Variants in CLVS1 observed in about 807,000 individuals in gnomAD.
CLVS1 encodes clavesin-1.
In CLVS1, 10 loss-of-function variants were observed where a neutral mutation model predicts 33.1. The observed-to-expected ratio is 0.30, with a 90% confidence interval of 0.19 to 0.51. CLVS1 has a LOEUF of 0.51. Ranked by LOEUF, CLVS1 falls within the 20% of genes least tolerant of loss-of-function variation. The pLI, the probability that CLVS1 is intolerant of heterozygous loss-of-function variation, is 0.97. For missense variants in CLVS1, 343 were observed against 433.4 expected (o/e 0.79, Z 1.85); for synonymous variants, 163 against 166.1 (o/e 0.98, Z 0.14).
rs897850212 is a variant in CLVS1 at position 61,101,658 on chromosome 8, G to A, written c.-242-30112G>A. On this transcript the variant is annotated intron_variant, in intron 1 of 2. Coordinates refer to the CLVS1 transcript ENST00000522621. ...TTATTTATTTATTTATTTGCTTTTGGTGTCATTTTAAGAAACCATTGGCTA... is the reference window on the plus strand; with the variant it reads ...TTATTTATTTATTTATTTGCTTTTGATGTCATTTTAAGAAACCATTGGCTA... Among the ~76,000 whole-genome samples, 7 of 151,902 alleles carry A rather than the reference G, an allele frequency of 4.6e-5. No homozygotes were observed. The East Asian group carries it at 1.3e-3, about 29-fold the overall frequency.
At chr8:61,304,439 G>C (rs936214075) in intron 2 of CLVS1, among the ~76,000 whole-genome samples, 10 of 152,194 alleles carry the variant, frequency 6.6e-5, no homozygotes, top group African/African-American at 2.2e-4. Context: ...TTTTGAGGCT[G>C]CCAGGCCGAA....
At chr8:61,330,162 G>C (rs1033572239) in intron 2 of CLVS1, among the ~76,000 whole-genome samples, 3 of 152,126 alleles carry the variant, frequency 2.0e-5, no homozygotes, top group Non-Finnish European at 2.9e-5. Context: ...TGGTGCTTCT[G>C]TGTGTACCAT....
intron 2 of CLVS1, among the ~76,000 whole-genome samples, chr8:61,369,889 C>T (rs1379395286): frequency 2.0e-5 from 3 of 152,042 alleles, no homozygotes; most frequent in Non-Finnish European, 4.4e-5. Flanking sequence ...GCACATTTGC[C>T]TCTCCACCTT....
chr8:61,116,688 C>T (rs1270883487), intron 1 of CLVS1, among the ~76,000 whole-genome samples: 72 of 147,778 alleles, frequency 4.9e-4, no homozygotes, highest in East Asian at 4.3e-3. Flanking sequence ...TGTAGATATG[C>T]GGCGTTATTT....
At chr8:61,297,838 A>G (rs1436848312) in intron 1 of CLVS1, among the ~76,000 whole-genome samples, 1 of 152,118 alleles carries the variant, frequency 6.6e-6, no homozygotes, top group Admixed American at 6.5e-5. Flanking sequence ...TGGGAGAAGG[A>G]GGTCTAAGAA....
At chr8:61,056,823 T>A (rs188151541), upstream of CLVS1, among the ~76,000 whole-genome samples, 37 of 152,264 alleles carry the variant, frequency 2.4e-4, no homozygotes, top group East Asian at 6.6e-3. Context: ...AAGGGTTAAG[T>A]TAGATATTGA....
chr8:61,220,173 T>C (rs970307204), intron 2 of CLVS1, among the ~76,000 whole-genome samples: 15 of 152,200 alleles, frequency 9.9e-5, no homozygotes, highest in Admixed American at 9.8e-4. Context: ...TTAGATCCCA[T>C]TTGTCAATCT....
At chr8:61,280,180 A>G in intron 2 of CLVS1, among the ~76,000 whole-genome samples, 1 of 152,204 alleles carries the variant, frequency 6.6e-6, no homozygotes, top group Non-Finnish European at 1.5e-5. Context: ...ATGATGTCGA[A>G]TTTCTGCTGA....
At chr8:61,344,493 A>G (rs1198817717) in intron 2 of CLVS1, among the ~76,000 whole-genome samples, 1 of 152,216 alleles carries the variant, frequency 6.6e-6, no homozygotes, top group Admixed American at 6.5e-5. Context: ...GGCTTAGCTC[A>G]AAATGGCAGG....
the CLVS1 span, among the ~76,000 whole-genome samples, chr8:60,987,632 A>G: frequency 6.6e-6 from 1 of 152,220 alleles, no homozygotes; most frequent in East Asian, 1.9e-4. Context: ...AAAAAAATGT[A>G]TCCTTACTTT....
chr8:61,357,934 C>CT (rs1349878169), intron 2 of CLVS1, among the ~76,000 whole-genome samples: 1 of 152,138 alleles, frequency 6.6e-6, no homozygotes, highest in Non-Finnish European at 1.5e-5. Context: ...TTTCAGATCC[C>CT]TTCCCACTGT....
chr8:61,485,481 T>G (rs547897071), intron 5 of CLVS1, among the ~76,000 whole-genome samples: 261 of 152,360 alleles, frequency 1.7e-3, no homozygotes, highest in Non-Finnish European at 3.1e-3. Flanking sequence ...ATAGGAATGC[T>G]TTTACACTGT....
At chr8:61,135,906 C>A (rs187232857) in intron 2 of CLVS1, among the ~76,000 whole-genome samples, 2 of 152,210 alleles carry the variant, frequency 1.3e-5, no homozygotes, top group African/African-American at 4.8e-5. Flanking sequence ...GAGGGCTCCC[C>A]GCTGGGCCTG....
intron 2 of CLVS1, among the ~76,000 whole-genome samples, chr8:61,278,285 TAAAG>T (rs931176883): frequency 2.6e-5 from 4 of 152,284 alleles, no homozygotes; most frequent in African/African-American, 9.6e-5. Flanking sequence ...ATCTACTAAA[TAAAG>T]ATATAAAAAT....
intron 2 of CLVS1, among the ~76,000 whole-genome samples, chr8:61,186,752 C>T (rs984865529): frequency 2.6e-5 from 4 of 152,126 alleles, no homozygotes; most frequent in Non-Finnish European, 4.4e-5. Context: ...TTAAAATAAC[C>T]TTGAGAGTCT....
At chr8:61,350,181 C>T (rs1457768642) in intron 2 of CLVS1, among the ~76,000 whole-genome samples, 1 of 152,038 alleles carries the variant, frequency 6.6e-6, no homozygotes, top group Non-Finnish European at 1.5e-5. Flanking sequence ...TCAATTTAAC[C>T]ATTACATAAT....
At chr8:61,441,231 T>C (rs1304715856) in intron 3 of CLVS1, among the ~76,000 whole-genome samples, 1 of 152,208 alleles carries the variant, frequency 6.6e-6, no homozygotes. Flanking sequence ...GCTGTGTGCT[T>C]ATACCACCTG....
chr8:61,067,214 T>C (rs1804699050), intron 1 of CLVS1, among the ~76,000 whole-genome samples: 1 of 152,188 alleles, frequency 6.6e-6, no homozygotes. Flanking sequence ...GAATATCTTT[T>C]TGTATTAATT....
At chr8:61,341,116 A>C (rs1285375180) in intron 2 of CLVS1, among the ~76,000 whole-genome samples, 1 of 152,212 alleles carries the variant, frequency 6.6e-6, no homozygotes, top group African/African-American at 2.4e-5. Flanking sequence ...AAAAGAATAA[A>C]TTATGCCTCG....
Sources: allele counts gnomAD v4.1 joint callset (sites outside exome capture counted in the v4.1 genomes callset), GRCh38; gene constraint gnomAD v4.1.1; transcripts MANE v1.5; gene names NCBI Gene and HGNC (gene_info 2026-07-23, HGNC 2026-07-21).